The following COL19A1 variants were observed in gnomAD, a reference collection of about 807,000 sequenced individuals.
The protein encoded by COL19A1 is collagen type XIX alpha 1 chain, also known as collagen alpha-1(XIX) chain.
A neutral mutation model predicts 190.2 loss-of-function variants in COL19A1; 159 were observed. The observed-to-expected ratio is 0.84, with a 90% CI of 0.73 to 0.95. The LOEUF (loss-of-function observed/expected upper bound fraction) is 0.95, where lower values mean the gene tolerates loss of function less well. COL19A1 is among the 40% of genes least tolerant of loss of function. The pLI is 0.00. For missense variants in COL19A1, 1,418 were observed against 1,431.9 expected, an observed-to-expected ratio of 0.99 and a Z score of 0.16; for synonymous variants, 509 against 458.9, an observed-to-expected ratio of 1.11 and a Z score of -1.39.
rs78312830 is a variant in COL19A1 at position 70,074,131 on chromosome 6, A to G, written c.1224+5655A>G. On this transcript the variant is annotated intron_variant, in intron 15 of 50. Transcript: ENST00000620364. ...TGCCCTCATAGTCTAGCCATGCTCT[A>G]TGAAAACTTTGTAGAACACAGCAAG... 9.4e-3 allele frequency among the ~76,000 whole-genome samples: 1,436 copies of G among 152,318 alleles called. 22 individuals carry two copies. Among genetic ancestry groups the G allele is most frequent in the African/African-American group, 0.033 (1,371 of 41,564 alleles).
chr6:70,162,229 C>T (rs2150260209), intron 35 of COL19A1, among the ~76,000 whole-genome samples: 1 of 152,120 alleles, frequency 6.6e-6, no homozygotes, highest in South Asian at 2.1e-4. Context: ...TATAAAAGAG[C>T]ATTCTATTTT....
chr6:69,992,739 G>T (rs76703508), intron 11 of COL19A1, among the ~76,000 whole-genome samples: 2 of 151,880 alleles, frequency 1.3e-5, no homozygotes, highest in Admixed American at 1.3e-4. Flanking sequence ...CAGTGTTCTC[G>T]ATTTGGCTCT....
At chr6:70,101,974 A>G (rs1348745292) in intron 15 of COL19A1, among the ~76,000 whole-genome samples, 195 bp from the exon 16 acceptor site, 1 of 152,180 alleles carries the variant, frequency 6.6e-6, no homozygotes, top group Non-Finnish European at 1.5e-5. Flanking sequence ...CATTTCAGGT[A>G]CTATACTTCT....
chr6:70,161,992 TC>T lies in COL19A1; in HGVS notation c.2346+40del. 9 of 1,555,052 alleles carry T rather than the reference TC, an allele frequency of 5.8e-6. No homozygotes were observed. The South Asian group carries it at 1.1e-4, about 19-fold the overall frequency. ...AAAACGATTGCACTCACAGCTTATA[TC>T]TGCTGGTTTGATGCAAGGTGAATTA... On this transcript the variant is annotated intron_variant, in intron 35 of 50. Transcript: ENST00000620364.
At chr6:69,901,657 G>A (rs192801957) in intron 4 of COL19A1, among the ~76,000 whole-genome samples, 19 of 152,260 alleles carry the variant, frequency 1.2e-4, no homozygotes, top group Admixed American at 1.1e-3. Context: ...GATGAGAGGC[G>A]CAATATTTCT....
chr6:70,196,317 G>A (rs1274757080), intron 48 of COL19A1, among the ~76,000 whole-genome samples: 3 of 152,160 alleles, frequency 2.0e-5, no homozygotes, highest in Non-Finnish European at 4.4e-5. Context: ...TGAAGCCTAT[G>A]AGTAAAAGTT....
chr6:69,933,262 C>T (rs921996197), intron 7 of COL19A1, among the ~76,000 whole-genome samples: 1 of 152,042 alleles, frequency 6.6e-6, no homozygotes, highest in Non-Finnish European at 1.5e-5. Context: ...ACTTTTCATC[C>T]TTATCTTCCA....
At chr6:69,979,277 T>A (rs1294785259) in intron 11 of COL19A1, among the ~76,000 whole-genome samples, 1 of 151,936 alleles carries the variant, frequency 6.6e-6, no homozygotes, top group African/African-American at 2.4e-5. Context: ...CAAGTATTTT[T>A]AAATAAATAT....
chr6:70,185,635 G>A (rs1766464365), intron 46 of COL19A1, among the ~76,000 whole-genome samples: 1 of 152,010 alleles, frequency 6.6e-6, no homozygotes, highest in African/African-American at 2.4e-5. Flanking sequence ...TTTTCTAGTA[G>A]AATTGATTTC....
chr6:70,149,586 C>G, intron 27 of COL19A1, 118 bp from the exon 28 acceptor site: 1 of 1,272,752 alleles, frequency 7.9e-7, no homozygotes, highest in Non-Finnish European at 1.1e-6. Context: ...CACGTGTGTA[C>G]GGTGGCAAAC....
rs1786638231 is a variant in COL19A1 at position 70,146,226 on chromosome 6, T to C, written c.1771-433T>C. Among the ~76,000 whole-genome samples, 7 of 152,252 alleles carry C rather than the reference T, an allele frequency of 4.6e-5. 1 individual carries two copies. The South Asian group carries it at 1.5e-3, about 32-fold the overall frequency. On this transcript the variant is annotated intron_variant, in intron 25 of 50. Transcript: ENST00000620364. ...GGGCAGTATTGTAAAACAGAAAAAC[T>C]ACCTGAAATTTCTCTTCCAGAGGTT...
Position 70,016,366 on chromosome 6 carries a change from T to TTAAAAAAAAA in COL19A1, c.1027-7261_1027-7260insTAAAAAAAAA, listed in dbSNP as rs1554189059. The stretch of plus-strand genomic sequence containing the variant: ...ATGTACCCTAAAACTTAGAGTATAA[T>TTAAAAAAAAA]AAAAAAAAAAAAAAAAAACACATGA... On this transcript the variant is annotated intron_variant, in intron 11 of 50. Transcript: ENST00000620364. Among the ~76,000 whole-genome samples, 14 of 37,626 alleles carry TTAAAAAAAAA rather than the reference T, an allele frequency of 3.7e-4. No homozygotes were observed. In the South Asian group the frequency reaches 5.0e-3, roughly 13 times the overall value. The allele number at this position is 37,626 out of a possible 152,430, so 24.7% of individuals were successfully genotyped here. A position where few individuals can be genotyped will look rare whatever the true frequency, so the allele number is the denominator to read the frequency against.
intron 11 of COL19A1, among the ~76,000 whole-genome samples, chr6:70,016,366 TAAA>T (rs752043571): frequency 1.1e-4 from 4 of 37,648 alleles, no homozygotes; most frequent in East Asian, 7.8e-4. Context: ...TAGAGTATAA[TAAA>T]AAAAAAAAAA....
In COL19A1 at chr6:70,161,752, T is replaced by TA. The variant is rs1485876927; in HGVS notation, c.2293-142dup. 5.5e-6 allele frequency: 3 copies of TA among 544,468 alleles called. No individual in the cohort carries two copies. In the East Asian group the frequency reaches 1.0e-4, roughly 19 times the overall value. 33.7% of individuals were successfully genotyped at this position (544,468 alleles called of 1,614,324 possible). ...ATTTTTGAAATTAAAAAATTAGAAT[T>TA]AAAAAAGTATATTTGTATATGACAA... On this transcript the variant is annotated intron_variant, in intron 34 of 50. Coordinates refer to ENST00000620364, the MANE Select transcript of COL19A1 (RefSeq NM_001858.6).
In COL19A1 at chr6:69,929,597, A is replaced by T. The variant is rs1213306650; in HGVS notation, c.563A>T (p.Asp188Val). Residue 188 changes from aspartate to valine, a missense_variant, in exon 6 of 51, where the codon GAT (aspartate) becomes GTT (valine). Coordinates refer to ENST00000620364, the MANE Select transcript of COL19A1 (RefSeq NM_001858.6). ...IQSQVISLYMDCNLIARRQTD... is the reference protein window; with the variant it reads ...IQSQVISLYMVCNLIARRQTD... Reference sequence around the variant, plus strand: ...TCCCAGGTCATTTCACTTTATATGGATTGTAATTTAATTGCGAGGAGGCAG... The same window carrying T: ...TCCCAGGTCATTTCACTTTATATGGTTTGTAATTTAATTGCGAGGAGGCAG... 1 of 1,613,980 alleles carries T rather than the reference A, an allele frequency of 6.2e-7. No homozygotes were observed.
chr6:70,058,939 GA>G (rs1485821849), intron 14 of COL19A1, among the ~76,000 whole-genome samples: 1 of 151,884 alleles, frequency 6.6e-6, no homozygotes, highest in Non-Finnish European at 1.5e-5. Context: ...TCATTTTCAA[GA>G]GAAGAAAGTG....
chr6:70,116,530 A>G (rs1258377805), intron 16 of COL19A1, among the ~76,000 whole-genome samples: 5 of 152,210 alleles, frequency 3.3e-5, no homozygotes, highest in Non-Finnish European at 7.3e-5. Flanking sequence ...AGTTATGTAT[A>G]ATGTGTTATA....
chr6:70,101,373 G>C (rs929529099), intron 15 of COL19A1, among the ~76,000 whole-genome samples: 2 of 151,960 alleles, frequency 1.3e-5, no homozygotes, highest in Non-Finnish European at 2.9e-5. Context: ...AATAAATAAT[G>C]AAATGCTTTT....
chr6:70,036,430 G>A (rs1041777581), intron 14 of COL19A1, among the ~76,000 whole-genome samples: 2 of 152,154 alleles, frequency 1.3e-5, no homozygotes, highest in African/African-American at 2.4e-5. Context: ...AAAATTTGCA[G>A]ATGATAAAAT....
Sources: allele counts gnomAD v4.1 joint callset (sites outside exome capture counted in the v4.1 genomes callset), GRCh38; gene constraint gnomAD v4.1.1; transcripts MANE v1.5; gene names NCBI Gene and HGNC (gene_info 2026-07-23, HGNC 2026-07-21).